The following UBE2E2 variants were observed in gnomAD, a reference collection of about 807,000 sequenced individuals.
UBE2E2 encodes ubiquitin conjugating enzyme E2 E2.
A neutral mutation model predicts 24.7 loss-of-function variants in UBE2E2; 6 were observed. The observed-to-expected ratio is 0.24, with a 90% confidence interval of 0.13 to 0.48. The LOEUF is 0.48. Among genes scored for constraint, UBE2E2 ranks in the 20% least tolerant of loss-of-function variants. UBE2E2 has a pLI of 0.99. For synonymous variants in UBE2E2, 104 were observed against 83.6 expected (o/e 1.24, Z -1.33); for missense variants, 169 against 245.0 (o/e 0.69, Z 2.07).
intron 3 of UBE2E2, among the ~76,000 whole-genome samples, chr3:23,242,659 A>G (rs989048951): frequency 6.6e-6 from 1 of 152,174 alleles, no homozygotes; most frequent in Admixed American, 6.5e-5. Flanking sequence ...GTGAAGGAGT[A>G]CATTCTACTA....
chr3:23,518,382 A>G (rs1048763900), intron 4 of UBE2E2, among the ~76,000 whole-genome samples: 3 of 152,238 alleles, frequency 2.0e-5, no homozygotes, highest in African/African-American at 7.2e-5. Context: ...TACAAATAAA[A>G]TTTAAGATAT....
At chr3:23,433,506 G>C (rs1559382321) in intron 3 of UBE2E2, among the ~76,000 whole-genome samples, 3 of 151,880 alleles carry the variant, frequency 2.0e-5, no homozygotes, top group Admixed American at 1.3e-4. Context: ...CTATGAATTG[G>C]TTGTTTTTAA....
intron 3 of UBE2E2, among the ~76,000 whole-genome samples, chr3:23,356,975 G>T (rs922861931): frequency 6.6e-6 from 1 of 152,162 alleles, no homozygotes; most frequent in Non-Finnish European, 1.5e-5. Context: ...GACTGACTTC[G>T]TCTTGGTAGT....
intron 3 of UBE2E2, among the ~76,000 whole-genome samples, chr3:23,446,035 G>T (rs929423054): frequency 1.3e-5 from 2 of 152,100 alleles, no homozygotes; most frequent in Admixed American, 6.5e-5. Context: ...AAAAAAAATA[G>T]GTCTTGTACC....
intron 4 of UBE2E2, among the ~76,000 whole-genome samples, chr3:23,518,120 AGAATATTGGAGGG>A (rs1292561737): frequency 6.6e-6 from 1 of 152,114 alleles, no homozygotes; most frequent in African/African-American, 2.4e-5. Flanking sequence ...AGTCTTACAG[AGAATATTGGAGGG>A]GAAAAGATAA....
chr3:23,520,523 T>G (rs1476642098), intron 4 of UBE2E2, among the ~76,000 whole-genome samples: 3 of 152,250 alleles, frequency 2.0e-5, no homozygotes, highest in Non-Finnish European at 4.4e-5. Context: ...ACTCTGCTAC[T>G]TTCAAAGAAT....
chr3:23,298,331 A>G (rs1401280008), intron 3 of UBE2E2, among the ~76,000 whole-genome samples: 5 of 151,686 alleles, frequency 3.3e-5, no homozygotes, highest in Non-Finnish European at 5.9e-5. Flanking sequence ...TATGTTGAAT[A>G]GGAGTGGTGA....
chr3:23,320,983 G>C (rs955781730), intron 3 of UBE2E2, among the ~76,000 whole-genome samples: 3 of 152,188 alleles, frequency 2.0e-5, no homozygotes, highest in African/African-American at 7.2e-5. Context: ...TGTCTGCAGG[G>C]CCATTCTCCT....
chr3:23,268,248 A>G (rs1174734622), intron 3 of UBE2E2, among the ~76,000 whole-genome samples: 4 of 148,246 alleles, frequency 2.7e-5, no homozygotes, highest in Non-Finnish European at 6.0e-5. Flanking sequence ...TTCAATTAGG[A>G]AAAGAGGAAG....
chr3:23,206,345 A>C (rs1696145617), intron 1 of UBE2E2, among the ~76,000 whole-genome samples: 1 of 152,258 alleles, frequency 6.6e-6, no homozygotes, highest in African/African-American at 2.4e-5. Context: ...AGTGAAATAA[A>C]AATGAAAAAA....
intron 5 of UBE2E2, among the ~76,000 whole-genome samples, chr3:23,535,809 G>A (rs751789176): frequency 6.6e-6 from 1 of 151,822 alleles, no homozygotes; most frequent in Non-Finnish European, 1.5e-5. Context: ...TTTTAGTAGA[G>A]ACAAGGCTTC....
chr3:23,486,278 G>C (rs1023938951), intron 3 of UBE2E2, among the ~76,000 whole-genome samples: 1 of 152,186 alleles, frequency 6.6e-6, no homozygotes, highest in Non-Finnish European at 1.5e-5. Context: ...TACACCACAA[G>C]AGGCTTCCAC....
rs759984741 is a variant in UBE2E2 at position 23,533,619 on chromosome 3, A to ATTTTTT, written c.508+935_508+940dup. On this transcript the variant is annotated intron_variant, in intron 5 of 5. Coordinates refer to ENST00000396703, the MANE Select transcript of UBE2E2 (RefSeq NM_152653.4). The stretch of plus-strand genomic sequence containing the variant: ...ATCTTTTTTAAAGTAGCAAATTAGT[A>ATTTTTT]TTTTTTTTTTTTTTTTTTTTTTGAA... Among the ~76,000 whole-genome samples the ATTTTTT allele has an allele frequency of 5.4e-4, 59 of 108,514 alleles. 1 individual carries two copies. Among genetic ancestry groups the ATTTTTT allele is most frequent in the Middle Eastern group, 6.1e-3 (1 of 164 alleles). 71.2% of individuals were successfully genotyped at this position (108,514 alleles called of 152,430 possible). A position where few individuals can be genotyped will look rare whatever the true frequency, so the allele number is the denominator to read the frequency against.
At chr3:23,364,911 A>G (rs539351709) in intron 3 of UBE2E2, among the ~76,000 whole-genome samples, 1 of 152,338 alleles carries the variant, frequency 6.6e-6, no homozygotes, top group South Asian at 2.1e-4. Context: ...CACATCAAAA[A>G]GTTAATCCAC....
intron 3 of UBE2E2, chr3:23,323,482 T>C (rs1388900529): frequency 1.4e-5 from 6 of 432,026 alleles, no homozygotes; most frequent in South Asian, 1.0e-4. Context: ...AATTCGAAAA[T>C]TCAAAACACT....
intron 3 of UBE2E2, among the ~76,000 whole-genome samples, chr3:23,376,159 T>C (rs1017476605): frequency 2.6e-5 from 4 of 152,212 alleles, no homozygotes; most frequent in Non-Finnish European, 5.9e-5. Flanking sequence ...TGTAGTTTTC[T>C]TCCATTGAGT....
chr3:23,344,979 G>T (rs1049929653), intron 3 of UBE2E2, among the ~76,000 whole-genome samples: 2 of 152,074 alleles, frequency 1.3e-5, no homozygotes, highest in African/African-American at 4.8e-5. Context: ...TTCCATTGTG[G>T]ACTCTCCCCC....
chr3:23,252,353 T>C (rs1360819853), intron 3 of UBE2E2, among the ~76,000 whole-genome samples: 1 of 152,194 alleles, frequency 6.6e-6, no homozygotes, highest in Admixed American at 6.5e-5. Context: ...ACAGTGATCT[T>C]GAGGACTATG....
intron 5 of UBE2E2, among the ~76,000 whole-genome samples, chr3:23,548,524 G>C (rs1358838379): frequency 6.6e-6 from 1 of 152,138 alleles, no homozygotes; most frequent in Non-Finnish European, 1.5e-5. Flanking sequence ...AACTGAAGTG[G>C]ACCAGCACTT....
Sources: allele counts gnomAD v4.1 joint callset (sites outside exome capture counted in the v4.1 genomes callset), GRCh38; gene constraint gnomAD v4.1.1; transcripts MANE v1.5; gene names NCBI Gene and HGNC (gene_info 2026-07-23, HGNC 2026-07-21).